MYO9B: variants seen among roughly 807,000 people sequenced by gnomAD.
MYO9B encodes the protein myosin IXB.
A neutral mutation model predicts 229.5 loss-of-function variants in MYO9B; 71 were observed. The ratio of observed to expected loss-of-function variants is 0.31; its 90% CI spans 0.26 to 0.38. The LOEUF is 0.38. MYO9B is among the 10% of genes least tolerant of loss of function. MYO9B has a pLI of 1.00. For synonymous variants in MYO9B, 1,185 were observed against 1,235.8 expected (o/e 0.96, Z 0.86); for missense variants, 2,255 against 2,920.5 (o/e 0.77, Z 5.25).
intron 16 of MYO9B, 125 bp downstream of exon 16, chr19:17,183,993 GA>G (rs151332258): frequency 2.6e-3 from 2,200 of 847,914 alleles, no homozygotes; most frequent in East Asian, 3.3e-3. Context: ...CTCCCTCCAA[GA>G]AAAAAAAAAT....
chr19:17,193,743 T>A lies in MYO9B; in HGVS notation c.3128+681T>A, dbSNP rs1037143161. Among the ~76,000 whole-genome samples the A allele has an allele frequency of 2.0e-5, 3 of 151,918 alleles. No individual in the cohort carries two copies. The highest frequency in any genetic ancestry group is 4.4e-5 in the Non-Finnish European group (3 of 67,970). On this transcript the variant is annotated intron_variant, in intron 21 of 39. Coordinates refer to ENST00000682292, the MANE Select transcript of MYO9B (RefSeq NM_004145.4). The surrounding 1 kb of genome is among the most constrained non-coding windows in gnomAD (Gnocchi z 4.3). The stretch of plus-strand genomic sequence containing the variant: ...AAATTAAAGACTTAGCCAGGTGTGG[T>A]GGTACACACCTGTAGTCCCAGCTAT...
chr19:17,107,599 C>T (rs144730459), intron 2 of MYO9B, among the ~76,000 whole-genome samples: 7 of 152,178 alleles, frequency 4.6e-5, no homozygotes, highest in Admixed American at 1.3e-4. Flanking sequence ...AAGGTGTCCA[C>T]GGGGCCGCAC....
At chr19:17,187,030 G>A (rs967139332) in intron 18 of MYO9B, among the ~76,000 whole-genome samples, 13 of 152,024 alleles carry the variant, frequency 8.6e-5, no homozygotes, top group East Asian at 1.9e-4. Flanking sequence ...GCCCAGCACC[G>A]TTTGTCTTTA....
At chr19:17,164,792 G>A (rs1053096610) in intron 10 of MYO9B, among the ~76,000 whole-genome samples, 8 of 152,202 alleles carry the variant, frequency 5.3e-5, no homozygotes, top group Non-Finnish European at 1.2e-4. Flanking sequence ...TAAATATCCA[G>A]CTGATTTTCC....
intron 2 of MYO9B, among the ~76,000 whole-genome samples, chr19:17,116,331 A>T (rs1874242517): frequency 6.6e-6 from 1 of 152,168 alleles, no homozygotes; most frequent in African/African-American, 2.4e-5. Flanking sequence ...ACTGTAGCTG[A>T]CAGGGCCTGA....
At chr19:17,197,906 C>A (rs369578178) in intron 23 of MYO9B, 48 bp downstream of exon 23, 11 of 1,602,394 alleles carry the variant, frequency 6.9e-6, no homozygotes, top group Middle Eastern at 2.2e-4. Flanking sequence ...ATACAAAAAT[C>A]AGCCAGGCGT....
In MYO9B at chr19:17,202,824, T is replaced by A. The variant is rs1460736317; in HGVS notation, c.4837-18T>A. 2.5e-6 allele frequency: 4 copies of A among 1,583,570 alleles called. No individual in the cohort carries two copies. The highest frequency in any genetic ancestry group is 3.4e-6 in the Non-Finnish European group (4 of 1,165,220). On this transcript the variant is annotated intron_variant, in intron 28 of 39. Coordinates refer to ENST00000682292, the MANE Select transcript of MYO9B (RefSeq NM_004145.4). Reference sequence around the variant, plus strand: ...CCCAGGGGGGCCCCCGCCAACCTCCTCCTTGTGTTCCTCACAGCAGAGCAA... The same window carrying A: ...CCCAGGGGGGCCCCCGCCAACCTCCACCTTGTGTTCCTCACAGCAGAGCAA...
At chr19:17,133,286 A>C (rs989951686) in intron 2 of MYO9B, among the ~76,000 whole-genome samples, 2 of 152,206 alleles carry the variant, frequency 1.3e-5, no homozygotes, top group African/African-American at 4.8e-5. Flanking sequence ...TTTTGTGATG[A>C]AAACACTTAA....
At chr19:17,131,513 C>T (rs1032257611) in intron 2 of MYO9B, among the ~76,000 whole-genome samples, 6 of 152,206 alleles carry the variant, frequency 3.9e-5, no homozygotes, top group African/African-American at 1.4e-4. Context: ...AGGTGATCTG[C>T]CCGCCTCAGC....
intron 2 of MYO9B, among the ~76,000 whole-genome samples, chr19:17,133,713 A>G (rs1599356733): frequency 6.6e-6 from 1 of 151,000 alleles, no homozygotes; most frequent in East Asian, 2.0e-4. Flanking sequence ...CTGCCTCCCA[A>G]AGTGCTGGGG....
At chr19:17,180,659 G>A (rs2072848885) in intron 14 of MYO9B, 2 of 329,434 alleles carry the variant, frequency 6.1e-6, no homozygotes, top group Non-Finnish European at 1.1e-5. Context: ...TGGAAATGAT[G>A]TATTGAAAAG....
At chr19:17,078,950 C>A (rs1460740761) in intron 1 of MYO9B, among the ~76,000 whole-genome samples, 1 of 152,168 alleles carries the variant, frequency 6.6e-6, no homozygotes, top group African/African-American at 2.4e-5. Flanking sequence ...TGGGGAAACC[C>A]AAATCTCCAG....
At chr19:17,093,239 A>G (rs1372486095) in intron 1 of MYO9B, among the ~76,000 whole-genome samples, 1 of 152,122 alleles carries the variant, frequency 6.6e-6, no homozygotes, top group Non-Finnish European at 1.5e-5. Context: ...AGGCTGAGGC[A>G]GGAAAATGGC....
At chr19:17,144,289 T>C (rs968997002) in intron 2 of MYO9B, among the ~76,000 whole-genome samples, 22 of 152,112 alleles carry the variant, frequency 1.4e-4, no homozygotes, top group African/African-American at 4.6e-4. Context: ...GCAAATTATG[T>C]CACAATCTGG....
At chr19:17,189,617 C>T (rs2072958414) in intron 19 of MYO9B, among the ~76,000 whole-genome samples, 1 of 151,602 alleles carries the variant, frequency 6.6e-6, no homozygotes, top group Non-Finnish European at 1.5e-5. Flanking sequence ...GGGCAAGACT[C>T]CGTCTCAAAA....
chr19:17,092,041 G>A (rs2057643192), intron 1 of MYO9B, among the ~76,000 whole-genome samples: 2 of 152,240 alleles, frequency 1.3e-5, no homozygotes, highest in Non-Finnish European at 2.9e-5. Context: ...GCAGTCTCAA[G>A]TGCAGCCGTC....
At chr19:17,085,824 C>T (rs1047985285) in intron 1 of MYO9B, among the ~76,000 whole-genome samples, 1 of 152,114 alleles carries the variant, frequency 6.6e-6, no homozygotes, top group Non-Finnish European at 1.5e-5. Flanking sequence ...GGCTTTCCTC[C>T]GGGCGTGACG....
intron 18 of MYO9B, among the ~76,000 whole-genome samples, 191 bp downstream of exon 18, chr19:17,186,192 T>G (rs1331996034): frequency 6.6e-6 from 1 of 152,144 alleles, no homozygotes; most frequent in Non-Finnish European, 1.5e-5. Context: ...GGACATCATC[T>G]GGAACATGGA....
In MYO9B at chr19:17,145,439, C is replaced by G; in HGVS notation, c.883C>G (p.Arg295Gly). 6.2e-7 allele frequency: 1 copy of G among 1,613,934 alleles called. No individual in the cohort carries two copies. Among genetic ancestry groups the G allele is most frequent in the Non-Finnish European group, 8.5e-7 (1 of 1,179,892 alleles). ...GACAGCCCACAACAACAACTCCAGCCGGTTTGGGAAATTCATCCAAGTCAG... is the reference window on the plus strand; with the variant it reads ...GACAGCCCACAACAACAACTCCAGCGGGTTTGGGAAATTCATCCAAGTCAG... ...AKTAHNNNSS[R>G]FGKFIQVSYL... The change falls in exon 3 of 40, where the codon CGG becomes GGG. Residue 295 changes from arginine (R) to glycine (G), a missense_variant. By Grantham distance (125) the Arg-to-Gly change is moderately radical (BLOSUM62 -2). Coordinates refer to ENST00000682292, the MANE Select transcript of MYO9B (RefSeq NM_004145.4).
Sources: gnomAD v4.1 joint callset for allele counts (sites outside exome capture counted in the v4.1 genomes callset) on GRCh38, gnomAD v4.1.1 for gene constraint, Gnocchi (gnomAD v3.1) non-coding constraint, MANE v1.5 for transcripts, NCBI Gene and HGNC (gene_info 2026-07-23, HGNC 2026-07-21) for gene names.